FER: variants seen among roughly 807,000 people sequenced by gnomAD.
FER encodes tyrosine-protein kinase Fer.
Under a neutral mutation model 111.0 loss-of-function variants are expected in FER, and 63 were observed. The ratio of observed to expected loss-of-function variants is 0.57; its 90% CI spans 0.46 to 0.70. FER has a LOEUF of 0.70. Among genes scored for constraint, FER ranks in the 30% least tolerant of loss-of-function variants. The probability of loss-of-function intolerance (pLI) is 0.00; values close to 1 mark genes in which losing one functional copy is unlikely to be tolerated. For missense variants in FER, 914 were observed against 954.0 expected, an observed-to-expected ratio of 0.96 and a Z score of 0.55; for synonymous variants, 327 against 313.9, an observed-to-expected ratio of 1.04 and a Z score of -0.44.
In FER at chr5:108,959,577, G is replaced by T. The variant is rs568504246; in HGVS notation, c.1656+230G>T. 2.6e-3 allele frequency among the ~76,000 whole-genome samples: 394 copies of T among 151,614 alleles called. 2 individuals carry two copies. The highest frequency in any genetic ancestry group is 8.9e-3 in the African/African-American group (370 of 41,404). On this transcript the variant is annotated intron_variant, in intron 13 of 19. Coordinates refer to ENST00000281092, the MANE Select transcript of FER (RefSeq NM_005246.4). ...TATTTGCTAGTATACAGATGGCTTG[G>T]TTTTTTTTCCCCTTTCCTAGTTTTT... is the stretch of plus-strand genomic sequence containing the variant.
chr5:108,868,156 T>C (rs1233670626), intron 6 of FER, among the ~76,000 whole-genome samples: 1 of 152,044 alleles, frequency 6.6e-6, no homozygotes, highest in African/African-American at 2.4e-5. Flanking sequence ...TCCAAAATGG[T>C]CCTTCTTTTG....
intron 12 of FER, among the ~76,000 whole-genome samples, chr5:108,958,606 T>C (rs1758740150): frequency 6.6e-6 from 1 of 151,832 alleles, no homozygotes; most frequent in Non-Finnish European, 1.5e-5. Context: ...TTTGAGCGTG[T>C]TGATATCTAC....
chr5:109,130,956 TATACTTC>T (rs968682426), intron 17 of FER, among the ~76,000 whole-genome samples: 3 of 152,230 alleles, frequency 2.0e-5, no homozygotes, highest in Non-Finnish European at 4.4e-5. Context: ...CTTGCTGTTT[TATACTTC>T]ATACTTTTCA....
At chr5:108,905,204 C>T (rs886314558) in intron 10 of FER, among the ~76,000 whole-genome samples, 5 of 152,024 alleles carry the variant, frequency 3.3e-5, no homozygotes, top group African/African-American at 1.2e-4. Context: ...AGAGAAAAAA[C>T]AATGCTTAAA....
At chr5:108,968,005 T>C (rs1188749026) in intron 13 of FER, among the ~76,000 whole-genome samples, 1 of 151,980 alleles carries the variant, frequency 6.6e-6, no homozygotes, top group African/African-American at 2.4e-5. Context: ...ATCACATAGA[T>C]TGTGGAGAAA....
intron 13 of FER, among the ~76,000 whole-genome samples, chr5:109,015,289 G>T (rs1766925238): frequency 6.6e-6 from 1 of 151,916 alleles, no homozygotes; most frequent in Non-Finnish European, 1.5e-5. Flanking sequence ...GGTTTCTTTT[G>T]TAGTAAAACT....
intron 10 of FER, among the ~76,000 whole-genome samples, chr5:108,943,867 G>A (rs11742595): frequency 0.18 from 27,160 of 151,738 alleles, 2,696 homozygotes; most frequent in Non-Finnish European, 0.23. Context: ...CTGAGCAGCT[G>A]GGACTAGAGG....
At chr5:109,043,066 T>A (rs1771410042) in intron 14 of FER, among the ~76,000 whole-genome samples, 1 of 152,188 alleles carries the variant, frequency 6.6e-6, no homozygotes, top group Non-Finnish European at 1.5e-5. Context: ...CAGGGTAACC[T>A]TTCTGAGATG....
At chr5:109,175,141 T>C (rs1240049442) in intron 17 of FER, among the ~76,000 whole-genome samples, 17 of 152,212 alleles carry the variant, frequency 1.1e-4, no homozygotes, top group Admixed American at 1.1e-3. Context: ...TCAAATTTAG[T>C]TGAATCTAAT....
intron 17 of FER, among the ~76,000 whole-genome samples, chr5:109,161,528 C>A (rs1444814023): frequency 6.6e-6 from 1 of 152,122 alleles, no homozygotes; most frequent in African/African-American, 2.4e-5. Context: ...GTTTTCTCTT[C>A]CTGCATTAGT....
At chr5:108,822,771 T>TATTTATTTTATTTTATTTTATGTG (rs1759030980) in intron 3 of FER, among the ~76,000 whole-genome samples, 2 of 145,462 alleles carry the variant, frequency 1.4e-5, no homozygotes, top group African/African-American at 2.6e-5. Context: ...TTATTTATTT[T>TATTTATTTTATTTTATTTTATGTG]ATTTTATGTT....
intron 18 of FER, 94 bp downstream of exon 18, chr5:109,180,995 G>A: frequency 2.0e-6 from 2 of 1,023,756 alleles, no homozygotes; most frequent in Non-Finnish European, 2.8e-6. Context: ...AGCACAGAAT[G>A]CAAGTTAGAA....
chr5:108,858,108 C>G (rs967325935), intron 5 of FER, among the ~76,000 whole-genome samples: 2 of 152,152 alleles, frequency 1.3e-5, no homozygotes, highest in African/African-American at 4.8e-5. Context: ...TACACCTGTG[C>G]TTTCTTCTGT....
chr5:109,029,060 AG>A (rs1163080455), intron 13 of FER, among the ~76,000 whole-genome samples: 2 of 152,190 alleles, frequency 1.3e-5, no homozygotes, highest in Non-Finnish European at 2.9e-5. Flanking sequence ...ACATTCTGGT[AG>A]TTTAGTTCTC....
intron 10 of FER, among the ~76,000 whole-genome samples, chr5:108,912,786 G>T (rs191533595): frequency 6.6e-6 from 1 of 152,172 alleles, no homozygotes; most frequent in African/African-American, 2.4e-5. Flanking sequence ...AATTTGGGGG[G>T]TATTACCTGG....
At chr5:108,877,293 G>T (rs781581495) in intron 8 of FER, among the ~76,000 whole-genome samples, 1 of 152,164 alleles carries the variant, frequency 6.6e-6, no homozygotes, top group Non-Finnish European at 1.5e-5. Context: ...CTTTAAGAGT[G>T]AGTTGGAAAG....
intron 1 of FER, among the ~76,000 whole-genome samples, chr5:108,754,429 A>AG (rs1491035443): frequency 7.0e-6 from 1 of 142,442 alleles, no homozygotes; most frequent in Non-Finnish European, 1.6e-5. Context: ...AAAAAAAAAA[A>AG]ATAGTGTGTA....
intron 2 of FER, among the ~76,000 whole-genome samples, chr5:108,782,077 A>G (rs1352316584): frequency 2.0e-5 from 3 of 152,054 alleles, no homozygotes; most frequent in Non-Finnish European, 2.9e-5. Flanking sequence ...CAGTTTGTCA[A>G]TTACAGTTCA....
intron 17 of FER, among the ~76,000 whole-genome samples, chr5:109,161,250 C>T (rs1755960789): frequency 6.6e-6 from 1 of 151,766 alleles, no homozygotes; most frequent in African/African-American, 2.4e-5. Flanking sequence ...AATTATGAGG[C>T]CATAAGTATC....
Sources: allele counts gnomAD v4.1 joint callset (sites outside exome capture counted in the v4.1 genomes callset), GRCh38; gene constraint gnomAD v4.1.1; transcripts MANE v1.5; gene names NCBI Gene and HGNC (gene_info 2026-07-23, HGNC 2026-07-21).